Variants in SYN3 observed in about 807,000 individuals in gnomAD.
SYN3 encodes synapsin-3.
A neutral mutation model predicts 65.8 loss-of-function variants in SYN3; 35 were observed. The observed-to-expected ratio is 0.53, with a 90% CI of 0.41 to 0.70. The LOEUF (loss-of-function observed/expected upper bound fraction) is 0.70. Ranked by LOEUF, SYN3 falls within the 30% of genes least tolerant of loss-of-function variation. The probability of loss-of-function intolerance (pLI) is 0.00; values close to 1 mark genes in which losing one functional copy is unlikely to be tolerated. For synonymous variants in SYN3, 270 were observed against 292.9 expected (o/e 0.92, Z 0.80); for missense variants, 680 against 749.0 (o/e 0.91, Z 1.08).
At chr22:32,525,691 A>G (rs1251054284) in intron 12 of SYN3, among the ~76,000 whole-genome samples, 1 of 149,936 alleles carries the variant, frequency 6.7e-6, no homozygotes, top group South Asian at 2.1e-4. Context: ...AGCCTGGGCG[A>G]CAAGGAGACT....
intron 3 of SYN3, among the ~76,000 whole-genome samples, chr22:32,941,612 G>A (rs1005303423): frequency 2.0e-5 from 3 of 152,020 alleles, no homozygotes; most frequent in African/African-American, 4.8e-5. Flanking sequence ...CAGGACAGTC[G>A]GTGCAGCCCA....
chr22:33,022,759 T>G (rs2145866164), intron 1 of SYN3, among the ~76,000 whole-genome samples: 1 of 152,294 alleles, frequency 6.6e-6, no homozygotes, highest in South Asian at 2.1e-4. Flanking sequence ...TCCATTTATT[T>G]GCAACCACTC....
At chr22:32,899,010 G>A (rs1025815243) in intron 4 of SYN3, among the ~76,000 whole-genome samples, 4 of 150,686 alleles carry the variant, frequency 2.7e-5, no homozygotes, top group African/African-American at 7.3e-5. Flanking sequence ...GCTGAGGCAG[G>A]AGAATCGCTT....
intron 6 of SYN3, among the ~76,000 whole-genome samples, chr22:32,773,951 C>G (rs1038751074): frequency 6.6e-6 from 1 of 151,964 alleles, no homozygotes; most frequent in South Asian, 2.1e-4. Context: ...AACGGAACTG[C>G]CAGTAGGAGG....
At chr22:32,866,836 T>C (rs2048700040) in intron 5 of SYN3, among the ~76,000 whole-genome samples, 1 of 152,214 alleles carries the variant, frequency 6.6e-6, no homozygotes, top group Admixed American at 6.5e-5. Context: ...TTAATGCATG[T>C]AGCCATTCAG....
intron 4 of SYN3, among the ~76,000 whole-genome samples, chr22:32,919,203 A>G (rs1421663524): frequency 1.3e-5 from 2 of 152,138 alleles, no homozygotes; most frequent in African/African-American, 2.4e-5. Flanking sequence ...CCCTCCATAC[A>G]CACGGGGCTC....
chr22:32,555,726 G>A (rs2058485490), intron 7 of SYN3, among the ~76,000 whole-genome samples: 1 of 152,152 alleles, frequency 6.6e-6, no homozygotes, highest in Non-Finnish European at 1.5e-5. Flanking sequence ...CCTAGTTGGA[G>A]ATAATAAAAC....
At chr22:33,003,864 G>C (rs1211314252) in intron 2 of SYN3, among the ~76,000 whole-genome samples, 1 of 152,228 alleles carries the variant, frequency 6.6e-6, no homozygotes, top group Non-Finnish European at 1.5e-5. Context: ...TAGGAGGGAA[G>C]AATGGTTTCA....
rs193118805 is a variant in SYN3 at position 32,570,169 on chromosome 22, T to C, written c.774+26505A>G. ...CCAACCTCCCTCCACACACACTGCC[T>C]TCTAGGGAGGACTGGAAAGCCTGCT... On this transcript the variant is annotated intron_variant, in intron 7 of 13. Coordinates refer to ENST00000358763, the MANE Select transcript of SYN3 (RefSeq NM_003490.4). 7.2e-5 allele frequency among the ~76,000 whole-genome samples: 11 copies of C among 152,308 alleles called. No individual in the cohort carries two copies. In the East Asian group the frequency reaches 1.5e-3, roughly 21 times the overall value.
At chr22:32,870,103 C>T (rs2048809685) in intron 4 of SYN3, among the ~76,000 whole-genome samples, 1 of 152,172 alleles carries the variant, frequency 6.6e-6, no homozygotes, top group African/African-American at 2.4e-5. Context: ...ATAGGGAGCA[C>T]TTATAACCAT....
intron 3 of SYN3, among the ~76,000 whole-genome samples, chr22:32,967,244 TC>T (rs2051875939): frequency 6.6e-6 from 1 of 152,190 alleles, no homozygotes; most frequent in Non-Finnish European, 1.5e-5. Flanking sequence ...CAGGTCACCC[TC>T]TAAAACTCCC....
At chr22:32,995,397 T>C (rs1245324674) in intron 2 of SYN3, among the ~76,000 whole-genome samples, 1 of 152,234 alleles carries the variant, frequency 6.6e-6, no homozygotes. Context: ...TCTCCAAATA[T>C]GGCATGGGAT....
chr22:32,895,779 G>T (rs1051988058), intron 4 of SYN3, among the ~76,000 whole-genome samples: 1 of 152,124 alleles, frequency 6.6e-6, no homozygotes, highest in Non-Finnish European at 1.5e-5. Flanking sequence ...TTAGATGCAC[G>T]GCTCTGAGTG....
chr22:33,000,324 C>T (rs1263126730), intron 2 of SYN3, among the ~76,000 whole-genome samples: 1 of 152,138 alleles, frequency 6.6e-6, no homozygotes, highest in East Asian at 1.9e-4. Flanking sequence ...CCTCAGGCAC[C>T]CCCAACAGGA....
intron 6 of SYN3, among the ~76,000 whole-genome samples, chr22:32,699,655 AC>A (rs2060785597): frequency 6.6e-6 from 1 of 152,158 alleles, no homozygotes; most frequent in Non-Finnish European, 1.5e-5. Flanking sequence ...CAAAAAAGAT[AC>A]AAGATTCATT....
chr22:32,957,631 C>T (rs1300805988), intron 3 of SYN3, among the ~76,000 whole-genome samples: 2 of 152,142 alleles, frequency 1.3e-5, no homozygotes, highest in South Asian at 2.1e-4. Flanking sequence ...TTTCTCTTCC[C>T]GAGGTTGATT....
intron 6 of SYN3, chr22:32,859,336 GC>G: frequency 1.2e-6 from 2 of 1,613,092 alleles, no homozygotes; most frequent in Non-Finnish European, 1.7e-6. Context: ...CCGAGGATGG[GC>G]CCCCCCGGAT....
chr22:32,686,683 A>AC (rs67288815), intron 6 of SYN3, among the ~76,000 whole-genome samples: 149,301 of 149,302 alleles, frequency 1, 74,650 homozygotes, highest in Middle Eastern at 1. Flanking sequence ...TGCAACCTCC[A>AC]CTCCCGGGTT....
At chr22:32,995,112 C>T (rs953575670) in intron 2 of SYN3, among the ~76,000 whole-genome samples, 45 of 152,172 alleles carry the variant, frequency 3.0e-4, no homozygotes, top group Admixed American at 2.9e-3. Context: ...AGCTTTGCTC[C>T]CTCCCTCCCT....
Sources: gnomAD v4.1 joint callset for allele counts (sites outside exome capture counted in the v4.1 genomes callset) on GRCh38, gnomAD v4.1.1 for gene constraint, MANE v1.5 for transcripts, NCBI Gene and HGNC (gene_info 2026-07-23, HGNC 2026-07-21) for gene names.